Variants in POGLUT2 observed in about 807,000 individuals in gnomAD.
POGLUT2 encodes the protein ER protein 58.
Under a neutral mutation model 57.6 loss-of-function variants are expected in POGLUT2, and 47 were observed. The ratio of observed to expected loss-of-function variants is 0.82; its 90% confidence interval spans 0.65 to 1.04. The LOEUF (loss-of-function observed/expected upper bound fraction) is 1.04. POGLUT2 is among the 50% of genes least tolerant of loss of function. The pLI, the probability that POGLUT2 is intolerant of heterozygous loss-of-function variation, is 0.00. For missense variants in POGLUT2, 565 were observed against 614.8 expected, an observed-to-expected ratio of 0.92 and a Z score of 0.86; for synonymous variants, 200 against 218.8, an observed-to-expected ratio of 0.91 and a Z score of 0.76.
chr13:102,787,908 T>C lies in POGLUT2; in HGVS notation c.1309A>G (p.Lys437Glu), dbSNP rs1878015511. ...DHDEEAKKIA[K>E]AGQEFARNNL... ...TTTCTTGCAAATTCTTGTCCTGCTTTTGCTATCTTTTTGGCCTACAGGAAG... is the reference window on the plus strand; with the variant it reads ...TTTCTTGCAAATTCTTGTCCTGCTTCTGCTATCTTTTTGGCCTACAGGAAG... Residue 437 changes from lysine to glutamate, a missense_variant, in exon 8 of 10, where the codon AAA (lysine) becomes GAA (glutamate). Lys to Glu is a moderately conservative substitution (Grantham distance 56, BLOSUM62 1). Transcript: ENST00000376004. The C allele has an allele frequency of 6.3e-7, 1 of 1,591,928 alleles. No homozygotes were observed. The highest frequency in any genetic ancestry group is 1.1e-5 in the South Asian group (1 of 88,408).
chr13:102,786,549 C>T (rs1371979863), intron 8 of POGLUT2, among the ~76,000 whole-genome samples: 2 of 151,844 alleles, frequency 1.3e-5, no homozygotes, highest in Non-Finnish European at 2.9e-5. Context: ...CTATTCCTAA[C>T]AGACACCTCT....
chr13:102,785,542 A>T (rs979977189), intron 9 of POGLUT2, among the ~76,000 whole-genome samples: 5 of 152,148 alleles, frequency 3.3e-5, no homozygotes, highest in African/African-American at 7.2e-5. Context: ...TCATAATCAA[A>T]GCAACAGTCC....
intron 4 of POGLUT2, 165 bp downstream of exon 4, chr13:102,793,176 G>A: frequency 1.8e-6 from 1 of 558,066 alleles, no homozygotes; most frequent in Non-Finnish European, 3.2e-6. Context: ...GGCAGCCCTA[G>A]GAAACAAACG....
chr13:102,797,921 G>A (rs1050814069), intron 1 of POGLUT2, among the ~76,000 whole-genome samples: 6 of 152,124 alleles, frequency 3.9e-5, no homozygotes, highest in African/African-American at 1.4e-4. Context: ...AATCATTTCA[G>A]AAGTATAGGA....
At chr13:102,793,532 T>A in intron 3 of POGLUT2, 69 bp downstream of exon 3, 1 of 1,427,244 alleles carries the variant, frequency 7.0e-7, no homozygotes, top group East Asian at 2.3e-5. Flanking sequence ...ATTTAGCTAA[T>A]TGTAGCCAAA....
Position 102,789,023 on chromosome 13 carries a change from G to A in POGLUT2, c.1282C>T (p.His428Tyr), listed in dbSNP as rs1398522506. ...LLEKLKWAKD[H>Y]DEEAKKIAKA... ...GGGACTAACCTTACCTCTTCATCGT[G>A]ATCTTTCGCCCATTTAAGTTTTTCT... Residue 428 changes from histidine (H) to tyrosine (Y), a missense_variant, in exon 7 of 10, where the codon CAC (histidine) becomes TAC (tyrosine). Coordinates refer to ENST00000376004, the MANE Select transcript of POGLUT2 (RefSeq NM_024089.3). The A allele has an allele frequency of 6.2e-7, 1 of 1,613,520 alleles. No individual in the cohort carries two copies. The highest frequency in any genetic ancestry group is 8.5e-7 in the Non-Finnish European group (1 of 1,179,622).
rs750087912 is a variant in POGLUT2 at position 102,791,116 on chromosome 13, C to T, written c.868G>A (p.Val290Met). 9.3e-6 allele frequency: 15 copies of T among 1,613,930 alleles called. No homozygotes were observed. The highest frequency in any genetic ancestry group is 3.3e-5 in the Admixed American group (2 of 60,006). Residue 290 changes from valine to methionine, a missense_variant, in exon 6 of 10, where the codon GTG becomes ATG. Physicochemically the swap from Val to Met is conservative, Grantham distance 21. Coordinates refer to ENST00000376004, the MANE Select transcript of POGLUT2 (RefSeq NM_024089.3). ...MGRVSLDMMS[V>M]QANTGPPWES... ...CAGGGAGGACCCGTGTTAGCTTGCA[C>T]GGACATCATATCCAGACTTACCCTA...
rs1878562059 is a variant in POGLUT2 at position 102,798,867 on chromosome 13, GC to G, written c.-198del. Reference sequence around the variant, plus strand: ...ACAATCAAAGCCCGTGCCCCGGCGCGCCCAGGTGAGGGTCCCCTGGCGTTCT... The same window carrying G: ...ACAATCAAAGCCCGTGCCCCGGCGCGCCAGGTGAGGGTCCCCTGGCGTTCT... On this transcript the variant is annotated 5_prime_UTR_variant, in exon 1 of 10. The change abolishes the stop of an existing upstream ORF in the 5' untranslated region. Transcript: ENST00000376004. 2.0e-6 allele frequency: 1 copy of G among 501,200 alleles called. No individual in the cohort carries two copies. Among genetic ancestry groups the G allele is most frequent in the Non-Finnish European group, 3.4e-6 (1 of 290,676 alleles). 31.0% of individuals were successfully genotyped at this position (501,200 alleles called of 1,614,324 possible).
rs1595317344 is a variant in POGLUT2 at position 102,798,749 on chromosome 13, C to T, written c.-79G>A. ...TGGACAGAAGCAGCCGAGCCTTCGG[C>T]AGGGACCCGCCGGCCGATCGCAGCA... is the stretch of plus-strand genomic sequence containing the variant. On this transcript the variant is annotated 5_prime_UTR_variant, in exon 1 of 10. Coordinates refer to ENST00000376004, the MANE Select transcript of POGLUT2 (RefSeq NM_024089.3). 2.9e-6 allele frequency: 4 copies of T among 1,380,086 alleles called. No homozygotes were observed. The allele number at this position is 1,380,086 out of a possible 1,614,324, so 85.5% of individuals were successfully genotyped here. A position where few individuals can be genotyped will look rare whatever the true frequency, so the allele number is the denominator to read the frequency against.
intron 1 of POGLUT2, 126 bp downstream of exon 1, chr13:102,798,363 T>C (rs1249921033): frequency 2.5e-6 from 2 of 804,862 alleles, no homozygotes; most frequent in Admixed American, 2.9e-5. Context: ...CAGAGAAAAA[T>C]GGGTAACCAA....
At position 102,793,331 on chromosome 13, in the gene POGLUT2, A is replaced by C; in HGVS notation, c.672+10T>G. The stretch of plus-strand genomic sequence containing the variant: ...TTATCTATTACAGCTAAGAGAAAAT[A>C]TATACTTACCTTTCTAGTCAAAGAA... On this transcript the variant is annotated intron_variant, in intron 4 of 9. Coordinates refer to ENST00000376004, the MANE Select transcript of POGLUT2 (RefSeq NM_024089.3). 7.0e-7 allele frequency: 1 copy of C among 1,422,860 alleles called. No homozygotes were observed. Among genetic ancestry groups the C allele is most frequent in the Non-Finnish European group, 9.9e-7 (1 of 1,014,298 alleles). The allele number at this position is 1,422,860 out of a possible 1,614,324, so 88.1% of individuals were successfully genotyped here.
In POGLUT2 at chr13:102,791,428, C is replaced by A. The variant is rs149627986; in HGVS notation, c.675G>T (p.Val225=). Residue 225 remains valine (V), a splice_region_variant and synonymous_variant, in exon 5 of 10, where the codon GTG becomes GTT. Coordinates refer to ENST00000376004, the MANE Select transcript of POGLUT2 (RefSeq NM_024089.3). ...DAILLSLTRK[V]KMPDVELFVN... is the part of the protein sequence containing the mutation. ...CAAAGAGCTCCACATCTGGCATCTT[C>A]ACCTAGAAAAAACAAAACGAGGAGC... is the stretch of plus-strand genomic sequence containing the variant. The A allele has an allele frequency of 5.7e-6, 9 of 1,580,336 alleles. No homozygotes were observed. The African/African-American group carries it at 8.3e-5, about 14-fold the overall frequency.
chr13:102,791,137 C>T lies in POGLUT2; in HGVS notation c.847G>A (p.Val283Ile). 1 of 1,613,400 alleles carries T rather than the reference C, an allele frequency of 6.2e-7. No individual in the cohort carries two copies. Among genetic ancestry groups the T allele is most frequent in the Non-Finnish European group, 8.5e-7 (1 of 1,179,390 alleles). ...TDSVLETMGR[V>I]SLDMMSVQAN... ...TGCACGGACATCATATCCAGACTTA[C>T]CCTAGAAGACAAAGTGCAACAGATT... The change falls in exon 6 of 10, where the codon GTA becomes ATA. Residue 283 changes from valine (V) to isoleucine (I), a missense_variant and splice_region_variant. Physicochemically the swap from Val to Ile is conservative, Grantham distance 29. Coordinates refer to ENST00000376004, the MANE Select transcript of POGLUT2 (RefSeq NM_024089.3).
Position 102,784,467 on chromosome 13 carries a change from A to G in POGLUT2, c.*28T>C. On this transcript the variant is annotated 3_prime_UTR_variant, in exon 10 of 10. Transcript: ENST00000376004. ...AGTTAAGAAGAGTCTTCAGAGCACCATTATTCTAATAGAAGTTATTTTGCA... is the reference window on the plus strand; with the variant it reads ...AGTTAAGAAGAGTCTTCAGAGCACCGTTATTCTAATAGAAGTTATTTTGCA... The G allele has an allele frequency of 7.0e-7, 1 of 1,434,768 alleles. No individual in the cohort carries two copies. The highest frequency in any genetic ancestry group is 1.8e-4 in the Middle Eastern group (1 of 5,526). The allele number at this position is 1,434,768 out of a possible 1,614,324, so 88.9% of individuals were successfully genotyped here.
At chr13:102,787,728 T>C (rs1033504605) in intron 8 of POGLUT2, 106 bp downstream of exon 8, 2 of 522,146 alleles carry the variant, frequency 3.8e-6, no homozygotes, top group Non-Finnish European at 6.6e-6. Context: ...GAAGTATATA[T>C]ATCTCCCTAT....
rs757255758 is a variant in POGLUT2, at chr13:102,792,036, T to A, written c.673-606A>T. 14 of 1,289,566 alleles carry A rather than the reference T, an allele frequency of 1.1e-5. No individual in the cohort carries two copies. The East Asian group carries it at 6.7e-4, about 61-fold the overall frequency. 79.9% of individuals were successfully genotyped at this position (1,289,566 alleles called of 1,614,324 possible). The stretch of plus-strand genomic sequence containing the variant: ...TGAGAAACCGAAGTCCTGAAGAACA[T>A]TCTCATTTTCCCATGGATTGACAAA... On this transcript the variant is annotated intron_variant, in intron 4 of 9. Transcript: ENST00000376004.
At position 102,787,853 on chromosome 13, in the gene POGLUT2, T is replaced by G. The variant is rs1220161080; in HGVS notation, c.1364A>C (p.Tyr455Ser). The G allele has an allele frequency of 2.5e-6, 4 of 1,572,470 alleles. No individual in the cohort carries two copies. Among genetic ancestry groups the G allele is most frequent in the Non-Finnish European group, 2.6e-6 (3 of 1,151,944 alleles). ...NNLMGDDIFCYYFKLFQEYAN... is the reference protein window; with the variant it reads ...NNLMGDDIFCSYFKLFQEYAN... ...ACTGACCTGGAAAAGTTTGAAATAA[T>G]AACAGAATATGTCATCGCCCATGAG... Residue 455 changes from tyrosine to serine, a missense_variant, in exon 8 of 10, where the codon TAT (tyrosine) becomes TCT (serine). Tyr to Ser is a moderately radical substitution (Grantham distance 144, BLOSUM62 -2). Transcript: ENST00000376004.
chr13:102,795,250 C>CAAAAAAA (rs58015405), intron 2 of POGLUT2, among the ~76,000 whole-genome samples: 6 of 42,642 alleles, frequency 1.4e-4, no homozygotes, highest in African/African-American at 1.6e-4. Context: ...GACATCGTCT[C>CAAAAAAA]AAAAAAAAAA....
chr13:102,788,986 T>C (rs1231000375), intron 7 of POGLUT2, 26 bp downstream of exon 7: 1 of 1,572,364 alleles, frequency 6.4e-7, no homozygotes, highest in Admixed American at 1.7e-5. Context: ...CAAGTGGAAA[T>C]AAGCCTTCAA....
Sources: allele counts gnomAD v4.1 joint callset (sites outside exome capture counted in the v4.1 genomes callset), GRCh38; gene constraint gnomAD v4.1.1; transcripts MANE v1.5; gene names NCBI Gene and HGNC (gene_info 2026-07-23, HGNC 2026-07-21).